Variants in C5 observed in about 807,000 individuals in gnomAD.
C5 encodes complement C5, also known as C3 and PZP-like alpha-2-macroglobulin domain-containing protein 4.
In C5, 140 loss-of-function variants were observed where a neutral mutation model predicts 218.8. The ratio of observed to expected loss-of-function variants is 0.64; its 90% confidence interval spans 0.56 to 0.74. The LOEUF is 0.74. Among genes scored for constraint, C5 ranks in the 30% least tolerant of loss-of-function variants. The pLI is 0.00. For missense variants in C5, 1,700 were observed against 1,969.6 expected, an observed-to-expected ratio of 0.86 and a Z score of 2.59; for synonymous variants, 614 against 682.3, an observed-to-expected ratio of 0.90 and a Z score of 1.56.
chr9:121,022,859 A>C (rs1236562396), intron 10 of C5, among the ~76,000 whole-genome samples: 1 of 151,648 alleles, frequency 6.6e-6, no homozygotes, highest in Non-Finnish European at 1.5e-5. Context: ...AAAAAGACAG[A>C]AAAAAAGAGA....
Position 121,043,032 on chromosome 9 carries a change from G to C in C5, c.393C>G (p.Asp131Glu). The C allele has an allele frequency of 1.9e-6, 3 of 1,612,872 alleles. No individual in the cohort carries two copies. The highest frequency in any genetic ancestry group is 2.5e-6 in the Non-Finnish European group (3 of 1,179,148). The part of the protein sequence containing the change: ...YDNGFLFIHT[D>E]KPVYTPDQSV... ...ACTGGTCTGGAGTATAAACAGGTTT[G>C]TCTGTATGAATGAAGAGAAATCCAT... Residue 131 changes from aspartate (D) to glutamate (E), a missense_variant, in exon 3 of 41, where the codon GAC becomes GAG. Transcript: ENST00000223642.
chr9:121,051,401 G>A (rs1005276947), upstream of C5, among the ~76,000 whole-genome samples: 10 of 152,074 alleles, frequency 6.6e-5, no homozygotes, highest in African/African-American at 1.9e-4. Flanking sequence ...TGGGATTACA[G>A]GCATGAGCCA....
At chr9:121,069,426 C>T in the C5 span, among the ~76,000 whole-genome samples, 1 of 152,062 alleles carries the variant, frequency 6.6e-6, no homozygotes, top group Non-Finnish European at 1.5e-5. Context: ...TGCAAATCTG[C>T]AAATCAAAAC....
the C5 span, among the ~76,000 whole-genome samples, chr9:121,067,187 G>T: frequency 2.6e-5 from 4 of 151,992 alleles, no homozygotes; most frequent in Non-Finnish European, 4.4e-5. Flanking sequence ...AGAATCGCTT[G>T]GTCCCAGAAG....
rs556586095 is a variant in C5, at chr9:121,036,157, G to A, written c.493-1263C>T. On this transcript the variant is annotated intron_variant, in intron 4 of 40. Transcript: ENST00000223642. The stretch of plus-strand genomic sequence containing the variant: ...AGTTGGATTTTAGAGGTTTTATTTC[G>A]TAATTAATTGTAAAACTTACAGAAG... Among the ~76,000 whole-genome samples the A allele has an allele frequency of 9.2e-5, 14 of 152,246 alleles. 1 individual carries two copies. In the East Asian group the frequency reaches 1.5e-3, roughly 17 times the overall value.
At chr9:121,073,889 G>A in the C5 span, among the ~76,000 whole-genome samples, 1 of 152,130 alleles carries the variant, frequency 6.6e-6, no homozygotes, top group South Asian at 2.1e-4. Flanking sequence ...CATAGATAAG[G>A]AAACTGAGAC....
chr9:120,970,157 C>T lies in C5; in HGVS notation c.4162+13G>A. The T allele has an allele frequency of 6.4e-7, 1 of 1,572,886 alleles. No individual in the cohort carries two copies. Among genetic ancestry groups the T allele is most frequent in the Non-Finnish European group, 8.8e-7 (1 of 1,142,720 alleles). On this transcript the variant is annotated intron_variant, in intron 32 of 40. Transcript: ENST00000223642. The stretch of plus-strand genomic sequence containing the variant: ...TTTAGCCAAAATTACAGCGTAAATC[C>T]TGCTGTTTTTACCTTCAATATCCTG...
chr9:120,971,128 C>T (rs570617649), intron 31 of C5, among the ~76,000 whole-genome samples: 2 of 147,188 alleles, frequency 1.4e-5, no homozygotes, highest in East Asian at 4.1e-4. Context: ...GCCAAGATTG[C>T]ACCACTGCAC....
chr9:121,067,043 A>C, the C5 span, among the ~76,000 whole-genome samples: 2 of 152,094 alleles, frequency 1.3e-5, no homozygotes, highest in East Asian at 3.9e-4. Flanking sequence ...AGGTGGGAGG[A>C]TCACTTGAGG....
chr9:121,001,797 T>C (rs1482725243), intron 20 of C5, among the ~76,000 whole-genome samples: 5 of 152,202 alleles, frequency 3.3e-5, no homozygotes, highest in African/African-American at 7.2e-5. Flanking sequence ...AAGATAATTA[T>C]GGCAATATTT....
the C5 span, among the ~76,000 whole-genome samples, chr9:121,063,271 T>C: frequency 2.0e-5 from 3 of 151,936 alleles, no homozygotes; most frequent in Non-Finnish European, 4.4e-5. Flanking sequence ...TTCAAGTTCA[T>C]TGATTCTTTT....
intron 7 of C5, among the ~76,000 whole-genome samples, chr9:121,029,348 G>C (rs2047453751): frequency 6.6e-6 from 1 of 152,168 alleles, no homozygotes; most frequent in Admixed American, 6.5e-5. Flanking sequence ...CATGGACTCT[G>C]GAAGCAGACA....
chr9:121,054,659 C>T (rs2047689649), upstream of C5, among the ~76,000 whole-genome samples: 1 of 152,176 alleles, frequency 6.6e-6, no homozygotes, highest in South Asian at 2.1e-4. Context: ...TTCAACCTGA[C>T]TCTGATATAG....
rs13295753 is a variant in C5 at position 121,018,720 on chromosome 9, A to G, written c.1507-868T>C. Among the ~76,000 whole-genome samples the G allele has an allele frequency of 7.6e-4, 106 of 139,032 alleles. 1 individual carries two copies. The highest frequency in any genetic ancestry group is 2.1e-3 in the Admixed American group (29 of 13,942). 91.2% of individuals were successfully genotyped at this position (139,032 alleles called of 152,430 possible). On this transcript the variant is annotated intron_variant, in intron 12 of 40. Transcript: ENST00000223642. ...GGAAAGAAAGAAAGAAAAGAAAGAAAGAAAGAAGGAAGGAAGGAAGGAAAG... is the reference window on the plus strand; with the variant it reads ...GGAAAGAAAGAAAGAAAAGAAAGAAGGAAAGAAGGAAGGAAGGAAGGAAAG...
chr9:121,003,555 G>A (rs1013827497), intron 20 of C5, among the ~76,000 whole-genome samples: 5 of 152,044 alleles, frequency 3.3e-5, no homozygotes, highest in Non-Finnish European at 5.9e-5. Flanking sequence ...TCTGATTTTC[G>A]CTGATCATTT....
chr9:120,961,376 T>C (rs1404336932), intron 37 of C5, 106 bp downstream of exon 37: 2 of 751,970 alleles, frequency 2.7e-6, no homozygotes, highest in Non-Finnish European at 4.8e-6. Context: ...GCATTTCTAC[T>C]TCTGAGAAAG....
the C5 span, among the ~76,000 whole-genome samples, chr9:121,070,497 A>T: frequency 6.8e-6 from 1 of 147,072 alleles, no homozygotes; most frequent in African/African-American, 2.5e-5. Context: ...GTGTGTGCGT[A>T]TTCATATATA....
chr9:121,004,109 T>A (rs1456174165), intron 20 of C5, among the ~76,000 whole-genome samples: 1 of 152,086 alleles, frequency 6.6e-6, no homozygotes, highest in Non-Finnish European at 1.5e-5. Context: ...GACCTCGTGA[T>A]CCACCCGCCT....
intron 24 of C5, 79 bp from the exon 25 acceptor site, chr9:120,989,200 AATGGT>A: frequency 8.9e-7 from 1 of 1,129,482 alleles, no homozygotes; most frequent in South Asian, 1.2e-5. Context: ...AGGCCCTGAG[AATGGT>A]AAGCTTCCTT....
Sources: gnomAD v4.1 joint callset for allele counts (sites outside exome capture counted in the v4.1 genomes callset) on GRCh38, gnomAD v4.1.1 for gene constraint, MANE v1.5 for transcripts, NCBI Gene and HGNC (gene_info 2026-07-23, HGNC 2026-07-21) for gene names.